Variants in NCALD observed in about 807,000 individuals in gnomAD.
The protein encoded by NCALD is neurocalcin-delta.
Under a neutral mutation model 18.6 loss-of-function variants are expected in NCALD, and 10 were observed. That is an observed-to-expected ratio of 0.54 (90% confidence interval 0.33 to 0.91). NCALD has a LOEUF of 0.91. Ranked by LOEUF, NCALD falls within the 40% of genes least tolerant of loss-of-function variation. The pLI is 0.03. For synonymous variants in NCALD, 88 were observed against 87.4 expected, an observed-to-expected ratio of 1.01 and a Z score of -0.04; for missense variants, 184 against 247.6, an observed-to-expected ratio of 0.74 and a Z score of 1.72.
chr8:101,866,007 G>A (rs1183875981), intron 4 of NCALD, among the ~76,000 whole-genome samples: 1 of 152,146 alleles, frequency 6.6e-6, no homozygotes, highest in Non-Finnish European at 1.5e-5. Context: ...TAGTGCTCCA[G>A]TACTTGAGAG....
intron 1 of NCALD, among the ~76,000 whole-genome samples, chr8:101,755,275 C>T (rs576428026): frequency 2.0e-5 from 3 of 152,284 alleles, no homozygotes; most frequent in African/African-American, 7.2e-5. Flanking sequence ...CAGTTGATAC[C>T]GCTGCCCCAA....
intron 2 of NCALD, among the ~76,000 whole-genome samples, chr8:101,999,601 A>G (rs1157855517): frequency 6.6e-6 from 1 of 152,158 alleles, no homozygotes; most frequent in Non-Finnish European, 1.5e-5. Context: ...CCAAAATCTC[A>G]GAAATCACCA....
chr8:102,004,774 TG>T (rs1165726247), intron 2 of NCALD, among the ~76,000 whole-genome samples: 1 of 152,054 alleles, frequency 6.6e-6, no homozygotes, highest in Non-Finnish European at 1.5e-5. Context: ...AAACAAGCAA[TG>T]GGGAAAGGAT....
chr8:101,767,735 C>G (rs1166740075), intron 1 of NCALD, among the ~76,000 whole-genome samples: 1 of 152,222 alleles, frequency 6.6e-6, no homozygotes, highest in African/African-American at 2.4e-5. Context: ...GCTGCAAGTT[C>G]AATGTAAATG....
intron 2 of NCALD, among the ~76,000 whole-genome samples, chr8:101,717,581 A>G (rs533116025): frequency 3.9e-5 from 6 of 152,262 alleles, no homozygotes; most frequent in Admixed American, 3.3e-4. Context: ...CTTGCCCCCA[A>G]CTCATCACTT....
At chr8:101,762,593 T>A (rs1811158482) in intron 1 of NCALD, among the ~76,000 whole-genome samples, 2 of 119,608 alleles carry the variant, frequency 1.7e-5, no homozygotes, top group Non-Finnish European at 3.1e-5. Context: ...AAAGTCTACT[T>A]TTTTTTTTTT....
intron 1 of NCALD, among the ~76,000 whole-genome samples, chr8:101,723,094 G>GGAT (rs1441458057): frequency 6.6e-6 from 1 of 152,172 alleles, no homozygotes. Context: ...GGATGGGGCA[G>GGAT]GATAACATTA....
chr8:101,692,997 A>G (rs1169086241), intron 2 of NCALD, 101 bp from the exon 3 acceptor site: 13 of 817,742 alleles, frequency 1.6e-5, no homozygotes, highest in Non-Finnish European at 2.4e-5. Context: ...GAATGTCCCC[A>G]TCCGCATTGG....
chr8:101,953,157 C>T (rs1819496343), intron 2 of NCALD, among the ~76,000 whole-genome samples: 1 of 152,138 alleles, frequency 6.6e-6, no homozygotes, highest in Non-Finnish European at 1.5e-5. Flanking sequence ...TGACAGCAGC[C>T]CTTCCAACCT....
At chr8:101,818,382 A>G (rs1813586952) in intron 4 of NCALD, among the ~76,000 whole-genome samples, 1 of 152,204 alleles carries the variant, frequency 6.6e-6, no homozygotes, top group Non-Finnish European at 1.5e-5. Context: ...AAGTACCATG[A>G]TTACAGACAG....
intron 1 of NCALD, among the ~76,000 whole-genome samples, chr8:102,075,659 A>T (rs1162133824): frequency 6.6e-6 from 1 of 152,204 alleles, no homozygotes; most frequent in Non-Finnish European, 1.5e-5. Flanking sequence ...GACTCATGAA[A>T]ATGTTTCCAC....
rs1392824022 is a variant in NCALD at position 101,894,460 on chromosome 8, A to C, written c.-106-7233T>G. Reference sequence around the variant, plus strand: ...ACATCACAATTAAAAGAACTAGAAAAGCAAAAGCAAACACATTCAAAAGCT... The same window carrying C: ...ACATCACAATTAAAAGAACTAGAAACGCAAAAGCAAACACATTCAAAAGCT... On this transcript the variant is annotated intron_variant, in intron 3 of 6. Transcript: ENST00000311028. 3.5e-5 allele frequency among the ~76,000 whole-genome samples: 5 copies of C among 143,570 alleles called. No individual in the cohort carries two copies. The South Asian group carries it at 6.6e-4, about 19-fold the overall frequency. The allele number at this position is 143,570 out of a possible 152,430, so 94.2% of individuals were successfully genotyped here.
chr8:101,819,132 T>A (rs1813615299), intron 4 of NCALD, among the ~76,000 whole-genome samples: 1 of 152,188 alleles, frequency 6.6e-6, no homozygotes. Flanking sequence ...TTATGCTTGT[T>A]GACAGAATTT....
chr8:102,009,085 G>A (rs998696987), intron 2 of NCALD, among the ~76,000 whole-genome samples: 5 of 152,160 alleles, frequency 3.3e-5, no homozygotes, highest in Non-Finnish European at 4.4e-5. Flanking sequence ...TCTGCCTCAC[G>A]GCATTGTTAC....
intron 2 of NCALD, among the ~76,000 whole-genome samples, chr8:102,014,404 C>T (rs554567520): frequency 1.6e-3 from 241 of 152,238 alleles, no homozygotes; most frequent in South Asian, 0.01. Context: ...CAAAGGCTCT[C>T]CCTCTTAAAA....
intron 2 of NCALD, chr8:101,693,150 T>C: frequency 5.6e-6 from 2 of 355,128 alleles, no homozygotes; most frequent in South Asian, 5.5e-5. Flanking sequence ...GTGTCTCCAA[T>C]GTTTTTTGAT....
At chr8:102,102,924 C>T (rs1825334498) in intron 1 of NCALD, among the ~76,000 whole-genome samples, 1 of 152,158 alleles carries the variant, frequency 6.6e-6, no homozygotes, top group Non-Finnish European at 1.5e-5. Flanking sequence ...TATCAGTTCA[C>T]TCGGGAGTGA....
chr8:101,929,279 G>T (rs1409071323), intron 2 of NCALD, among the ~76,000 whole-genome samples: 39 of 51,222 alleles, frequency 7.6e-4, no homozygotes, highest in African/African-American at 3.4e-3. Flanking sequence ...GATGGAGGGA[G>T]GGAGGGAGGG....
intron 2 of NCALD, among the ~76,000 whole-genome samples, chr8:101,990,845 C>T (rs896887139): frequency 4.6e-5 from 7 of 152,124 alleles, no homozygotes; most frequent in African/African-American, 1.7e-4. Context: ...AAATATAGCC[C>T]CCTGCCAACC....
Sources: allele counts gnomAD v4.1 joint callset (sites outside exome capture counted in the v4.1 genomes callset), GRCh38; gene constraint gnomAD v4.1.1; transcripts MANE v1.5; gene names NCBI Gene and HGNC (gene_info 2026-07-23, HGNC 2026-07-21).